GNL3L: variants seen among roughly 807,000 people sequenced by gnomAD.
GNL3L encodes the protein G protein nucleolar 3 like.
GNL3L carries 4 observed loss-of-function variants against 42.9 expected under a neutral mutation model. That is an observed-to-expected ratio of 0.09 (90% confidence interval 0.05 to 0.21). The LOEUF is 0.21. Among genes scored for constraint, GNL3L ranks in the 10% least tolerant of loss-of-function variants. The pLI is 1.00. For missense variants in GNL3L, 412 were observed against 481.7 expected (o/e 0.86, Z 1.36); for synonymous variants, 159 against 176.3 (o/e 0.90, Z 0.78).
chrX:54,557,406 A>G (rs1435957636), intron 14 of GNL3L, among the ~76,000 whole-genome samples: 1 of 107,289 alleles, frequency 9.3e-6, no homozygotes, highest in African/African-American at 3.4e-5. Flanking sequence ...GGGATTACAG[A>G]TGCAAGCCAC....
At chrX:54,541,534 G>A in intron 5 of GNL3L, 145 bp downstream of exon 5, 1 of 409,535 alleles carries the variant, frequency 2.4e-6, no homozygotes, top group Non-Finnish European at 4.3e-6. Flanking sequence ...GACGGACGAA[G>A]GGAGGGAGGG....
chrX:54,549,259 C>T (rs747418000), intron 9 of GNL3L, among the ~76,000 whole-genome samples: 1 of 111,662 alleles, frequency 9.0e-6, no homozygotes, highest in East Asian at 2.8e-4. Flanking sequence ...TACAGATCCA[C>T]AAACACATAC....
At chrX:54,607,082 CTTCT>C (rs751343853) in intron 16 of GNL3L, among the ~76,000 whole-genome samples, 907 of 21,974 alleles carry the variant, frequency 0.041, 59 homozygotes, top group Admixed American at 0.062. Flanking sequence ...CTCTTTCTTT[CTTCT>C]TTCTTTCTTT....
rs761179106 is a variant in GNL3L, at chrX:54,557,680, C to T, written c.1447-756C>T. Reference sequence around the variant, plus strand: ...AACTCCTGACCTCAAGTGATCTGCCCGCCTCAGCCTCCCAAAGTGCTAGGA... The same window carrying T: ...AACTCCTGACCTCAAGTGATCTGCCTGCCTCAGCCTCCCAAAGTGCTAGGA... On this transcript the variant is annotated intron_variant, in intron 14 of 15. Transcript: ENST00000360845. Among the ~76,000 whole-genome samples, 9 of 110,395 alleles carry T rather than the reference C, an allele frequency of 8.2e-5. No individual in the cohort carries two copies. The East Asian group carries it at 1.2e-3, about 14-fold the overall frequency.
chrX:54,578,361 T>C (rs1476532446), intron 16 of GNL3L, among the ~76,000 whole-genome samples: 1 of 112,182 alleles, frequency 8.9e-6, no homozygotes, highest in Non-Finnish European at 1.9e-5. Flanking sequence ...ATTTACTCTT[T>C]CTGTGTACAG....
At chrX:54,640,185 G>T in the GNL3L span, among the ~76,000 whole-genome samples, 13 of 111,746 alleles carry the variant, frequency 1.2e-4, no homozygotes, top group African/African-American at 4.2e-4. Flanking sequence ...TGAATCACCA[G>T]CACCTCGGGG....
Position 54,551,863 on chromosome X carries a change from A to G in GNL3L, c.1070A>G (p.Gln357Arg). 1 of 1,211,305 alleles carries G rather than the reference A, an allele frequency of 8.3e-7. No homozygotes were observed. The highest frequency in any genetic ancestry group is 1.1e-6 in the Non-Finnish European group (1 of 894,753). ...ISNYYGVSGFQTTEHFLTAVA... is the reference protein window; with the variant it reads ...ISNYYGVSGFRTTEHFLTAVA... ...AACTATTATGGCGTCTCTGGGTTCC[A>G]GACCACTGAGCACTTTCTGACGGCA... Residue 357 changes from glutamine (Q) to arginine (R), a missense_variant, in exon 12 of 16, where the codon CAG becomes CGG. Transcript: ENST00000360845.
rs1569542345 is a variant in GNL3L, at chrX:54,573,448, A to G, written c.*45+12801A>G. Among the ~76,000 whole-genome samples the G allele has an allele frequency of 2.7e-5, 3 of 111,720 alleles. No homozygotes were observed. In the South Asian group the frequency reaches 1.1e-3, roughly 42 times the overall value. On this transcript the variant is annotated intron_variant, in intron 16 of 16. Coordinates refer to the GNL3L transcript ENST00000674498. The stretch of plus-strand genomic sequence containing the variant: ...GGCAGGGAGGTTGCAGTGAGCCGAG[A>G]TGGCAGCAGTATAGTCCAGCTTCGG...
At chrX:54,531,775 G>C (rs1924257416) in intron 1 of GNL3L, among the ~76,000 whole-genome samples, 1 of 111,278 alleles carries the variant, frequency 9.0e-6, no homozygotes, top group Non-Finnish European at 1.9e-5. Flanking sequence ...GAGATAAACA[G>C]ATCTGTGATT....
downstream of GNL3L, among the ~76,000 whole-genome samples, chrX:54,622,307 C>T (rs1427536216): frequency 6.9e-4 from 44 of 64,068 alleles, no homozygotes; most frequent in African/African-American, 1.9e-3. Context: ...TTTTTGGAGA[C>T]GGAGTCTTGC....
rs142472959 is a variant in GNL3L at position 54,608,521 on chromosome X, C to T, written c.*46-12324C>T. ...CTTGCCCCCCTCCTACTCTTTCCCCCGAGTCCCCAAAGTCCATCGTATCAT... is the reference window on the plus strand; with the variant it reads ...CTTGCCCCCCTCCTACTCTTTCCCCTGAGTCCCCAAAGTCCATCGTATCAT... On this transcript the variant is annotated intron_variant, in intron 16 of 16. Coordinates refer to the GNL3L transcript ENST00000674498. Among the ~76,000 whole-genome samples the T allele has an allele frequency of 1.3e-3, 141 of 107,538 alleles. 2 individuals carry two copies. The East Asian group carries it at 0.039, about 30-fold the overall frequency. The allele number at this position is 107,538 out of a possible 115,157, so 93.4% of individuals were successfully genotyped here.
chrX:54,534,042 C>A (rs1195918579), intron 2 of GNL3L, among the ~76,000 whole-genome samples: 1 of 85,097 alleles, frequency 1.2e-5, no homozygotes, highest in Non-Finnish European at 2.0e-5. Context: ...CCACTATGCC[C>A]CACTAATTTT....
At chrX:54,629,076 G>A in the GNL3L span, among the ~76,000 whole-genome samples, 1 of 107,935 alleles carries the variant, frequency 9.3e-6, no homozygotes, top group African/African-American at 3.4e-5. Context: ...GTTACTGTTG[G>A]TGTATAGTAG....
chrX:54,619,469 A>G (rs1439166928), intron 16 of GNL3L, among the ~76,000 whole-genome samples: 1 of 110,198 alleles, frequency 9.1e-6, no homozygotes, highest in Non-Finnish European at 1.9e-5. Context: ...CTGCGGGAGT[A>G]GGAGTTACAG....
Position 54,551,647 on chromosome X carries a change from G to A in GNL3L, c.943G>A (p.Val315Met), listed in dbSNP as rs778096014. The change falls in exon 11 of 16, where the codon GTG (valine) becomes ATG (methionine). Residue 315 changes from valine (V) to methionine (M), a missense_variant. Transcript: ENST00000360845. ...PGIVPGPNSE[V>M]GTILRNCVHV... ...CATTGTCCCAGGGCCCAACTCAGAG[G>A]TGGGCACCATCCTGCGTAACTGCGT... The A allele has an allele frequency of 8.3e-7, 1 of 1,209,024 alleles. No individual in the cohort carries two copies. Among genetic ancestry groups the A allele is most frequent in the South Asian group, 1.8e-5 (1 of 56,914 alleles).
the GNL3L span, among the ~76,000 whole-genome samples, chrX:54,634,645 AT>A: frequency 0.24 from 21,886 of 92,968 alleles, 5,130 homozygotes; most frequent in African/African-American, 0.69. Flanking sequence ...AGCCTGGCTA[AT>A]TTTTTTTTTT....
rs368328401 is a variant in GNL3L at position 54,604,296 on chromosome X, C to T, written c.*46-16549C>T. ...CTAAATAAATCATTATACTGTAGTACGAATAAGAAAAAATATTTAAAAAAT... is the reference window on the plus strand; with the variant it reads ...CTAAATAAATCATTATACTGTAGTATGAATAAGAAAAAATATTTAAAAAAT... On this transcript the variant is annotated intron_variant, in intron 16 of 16. Coordinates refer to the GNL3L transcript ENST00000674498. Among the ~76,000 whole-genome samples, 5 of 111,486 alleles carry T rather than the reference C, an allele frequency of 4.5e-5. No individual in the cohort carries two copies. In the South Asian group the frequency reaches 1.1e-3, roughly 25 times the overall value.
the GNL3L span, among the ~76,000 whole-genome samples, chrX:54,628,560 G>A: frequency 9.0e-6 from 1 of 111,068 alleles, no homozygotes; most frequent in Admixed American, 9.6e-5. Context: ...TCTTCCAGGA[G>A]TAAAGTGGTA....
intron 16 of GNL3L, among the ~76,000 whole-genome samples, chrX:54,573,151 G>A (rs1459902492): frequency 5.4e-5 from 6 of 111,707 alleles, no homozygotes; most frequent in East Asian, 2.9e-4. Flanking sequence ...GGTGGCGGCC[G>A]GGCAGAGGCT....
Sources: allele counts gnomAD v4.1 joint callset (sites outside exome capture counted in the v4.1 genomes callset), GRCh38; gene constraint gnomAD v4.1.1; transcripts MANE v1.5; gene names NCBI Gene and HGNC (gene_info 2026-07-23, HGNC 2026-07-21).